COL24A1: variants seen among roughly 807,000 people sequenced by gnomAD.
COL24A1 encodes the protein collagen alpha-1(XXIV) chain.
Under a neutral mutation model 253.9 loss-of-function variants are expected in COL24A1, and 224 were observed. The observed-to-expected ratio is 0.88, with a 90% CI of 0.79 to 0.99. The LOEUF (loss-of-function observed/expected upper bound fraction) is 0.99. Among genes scored for constraint, COL24A1 ranks in the 50% least tolerant of loss-of-function variants. COL24A1 has a pLI of 0.00. For synonymous variants in COL24A1, 685 were observed against 673.7 expected, an observed-to-expected ratio of 1.02 and a Z score of -0.26; for missense variants, 2,131 against 2,068.5, an observed-to-expected ratio of 1.03 and a Z score of -0.59.
intron 53 of COL24A1, among the ~76,000 whole-genome samples, chr1:85,764,653 A>G (rs1483794560): frequency 2.0e-5 from 3 of 152,188 alleles, no homozygotes; most frequent in Non-Finnish European, 2.9e-5. Flanking sequence ...GAACTGCTGC[A>G]CATTTGGACC....
At chr1:85,776,955 ATTTTTTT>A (rs561997139) in intron 52 of COL24A1, among the ~76,000 whole-genome samples, 5 of 149,610 alleles carry the variant, frequency 3.3e-5, no homozygotes, top group East Asian at 3.9e-4. Flanking sequence ...TTATTTACTT[ATTTTTTT>A]TTTTTTGAGA....
intron 24 of COL24A1, among the ~76,000 whole-genome samples, chr1:85,918,305 A>G (rs533460542): frequency 2.6e-5 from 4 of 152,156 alleles, no homozygotes; most frequent in Non-Finnish European, 5.9e-5. Flanking sequence ...ATAGGGATCC[A>G]GTTTTAATTT....
At chr1:85,952,121 T>C (rs991696320) in intron 24 of COL24A1, among the ~76,000 whole-genome samples, 1 of 152,156 alleles carries the variant, frequency 6.6e-6, no homozygotes, top group Non-Finnish European at 1.5e-5. Context: ...AATATAAGTT[T>C]AATGACATTC....
chr1:86,154,201 T>A (rs1291959036), intron 1 of COL24A1: 1 of 132,686 alleles, frequency 7.5e-6, no homozygotes, highest in Non-Finnish European at 1.6e-5. Context: ...AAGGGAAAAA[T>A]TCCAAATTAT....
At chr1:86,028,975 A>C (rs974329716) in intron 14 of COL24A1, among the ~76,000 whole-genome samples, 3 of 152,206 alleles carry the variant, frequency 2.0e-5, no homozygotes, top group Admixed American at 1.3e-4. Context: ...TATTTAAAAA[A>C]TTTGGTCTTA....
chr1:85,961,303 A>C lies in COL24A1; in HGVS notation c.2518-10T>G, dbSNP rs771206793. The C allele has an allele frequency of 1.3e-6, 2 of 1,597,080 alleles. No homozygotes were observed. The highest frequency in any genetic ancestry group is 1.7e-6 in the Non-Finnish European group (2 of 1,166,598). On this transcript the variant is annotated splice_polypyrimidine_tract_variant and intron_variant, in intron 23 of 59. Coordinates refer to ENST00000370571, the MANE Select transcript of COL24A1 (RefSeq NM_152890.7). The stretch of plus-strand genomic sequence containing the variant: ...GATCTCCTACTTCTCCCTGTCAAAA[A>C]AGAATATAAAGTTGCAAAAACAGTT...
At chr1:85,747,467 G>A (rs1665363958) in intron 55 of COL24A1, among the ~76,000 whole-genome samples, 1 of 151,914 alleles carries the variant, frequency 6.6e-6, no homozygotes, top group Non-Finnish European at 1.5e-5. Flanking sequence ...AACTATTCAT[G>A]TGTCAATTGC....
At chr1:86,033,004 A>G (rs1370539709) in intron 13 of COL24A1, among the ~76,000 whole-genome samples, 2 of 152,124 alleles carry the variant, frequency 1.3e-5, no homozygotes, top group African/African-American at 4.8e-5. Flanking sequence ...GAAAAATGGT[A>G]AACATTCCAC....
At chr1:85,817,768 G>A (rs946741021) in intron 46 of COL24A1, among the ~76,000 whole-genome samples, 1 of 151,980 alleles carries the variant, frequency 6.6e-6, no homozygotes, top group Admixed American at 6.6e-5. Context: ...GTGGTTCACC[G>A]TCAGAAGCAT....
rs970028047 is a variant in COL24A1 at position 86,031,994 on chromosome 1, C to T, written c.2005-72G>A. On this transcript the variant is annotated intron_variant, in intron 13 of 59. Transcript: ENST00000370571. Reference sequence around the variant, plus strand: ...TACTAAGGGTATTTCTGAAGATAAACACAAAACTTTCTAGCTAAGAATACA... The same window carrying T: ...TACTAAGGGTATTTCTGAAGATAAATACAAAACTTTCTAGCTAAGAATACA... The T allele has an allele frequency of 4.8e-6, 6 of 1,257,136 alleles. No homozygotes were observed. The African/African-American group carries it at 7.6e-5, about 16-fold the overall frequency. 77.9% of individuals were successfully genotyped at this position (1,257,136 alleles called of 1,614,324 possible). A position where few individuals can be genotyped will look rare whatever the true frequency, so the allele number is the denominator to read the frequency against.
Position 85,970,272 on chromosome 1 carries a change from C to T in COL24A1, c.2419-1G>A, listed in dbSNP as rs766249152. 46 of 1,581,820 alleles carry T rather than the reference C, an allele frequency of 2.9e-5. No homozygotes were observed. The highest frequency in any genetic ancestry group is 3.9e-5 in the Non-Finnish European group (46 of 1,167,604). On this transcript the variant is annotated splice_acceptor_variant, in intron 21 of 59. Transcript: ENST00000370571. LOFTEE classifies it high-confidence loss of function. ...AGGCTCCAATTGGTCCTTCTTCTCC[C>T]TTAAAAAAAAAAAAAGTCAGAACAT...
At chr1:85,872,802 A>G (rs1266240005) in intron 35 of COL24A1, among the ~76,000 whole-genome samples, 1 of 152,048 alleles carries the variant, frequency 6.6e-6, no homozygotes, top group East Asian at 1.9e-4. Flanking sequence ...TCTAAAACAC[A>G]AAAAGCAATG....
chr1:86,148,936 C>G (rs989020465), intron 1 of COL24A1, among the ~76,000 whole-genome samples: 9 of 152,122 alleles, frequency 5.9e-5, no homozygotes, highest in Non-Finnish European at 8.8e-5. Context: ...CTGACTTCCA[C>G]AATGGTTGAA....
chr1:85,847,854 C>T (rs1320652628), intron 38 of COL24A1, 82 bp from the exon 39 acceptor site: 3 of 780,912 alleles, frequency 3.8e-6, no homozygotes, highest in African/African-American at 3.5e-5. Flanking sequence ...TCCTGAATAG[C>T]TCCTGAGGAT....
rs1055996535 is a variant in COL24A1, at chr1:85,938,235, A to G, written c.2562+23014T>C. 2.7e-5 allele frequency among the ~76,000 whole-genome samples: 4 copies of G among 147,250 alleles called. 2 individuals carry two copies. Among genetic ancestry groups the G allele is most frequent in the African/African-American group, 5.0e-5 (2 of 40,184 alleles). ...TGTGGAAGCAGAATTAGTTCCACTT[A>G]CTATCACTCTCAATGTCCCAGTGGA... On this transcript the variant is annotated intron_variant, in intron 24 of 59. Transcript: ENST00000370571.
intron 24 of COL24A1, among the ~76,000 whole-genome samples, chr1:85,946,494 C>T (rs11161711): frequency 0.68 from 102,618 of 151,976 alleles, 34,943 homozygotes; most frequent in East Asian, 0.79. Context: ...CATGAGAAAC[C>T]TGGGGAGAAG....
intron 18 of COL24A1, among the ~76,000 whole-genome samples, chr1:86,020,332 C>T (rs1183125293): frequency 6.6e-6 from 1 of 152,174 alleles, no homozygotes; most frequent in East Asian, 1.9e-4. Context: ...GCCCAAAGTG[C>T]TGGGATTACA....
intron 7 of COL24A1, among the ~76,000 whole-genome samples, chr1:86,085,626 A>G (rs986879770): frequency 7.9e-5 from 12 of 152,192 alleles, no homozygotes; most frequent in Non-Finnish European, 1.5e-5. Flanking sequence ...TCTTGATTCC[A>G]AACGCAGAAT....
At chr1:85,907,896 A>C (rs1684994358) in intron 27 of COL24A1, among the ~76,000 whole-genome samples, 1 of 151,756 alleles carries the variant, frequency 6.6e-6, no homozygotes. Context: ...TTTATTTATT[A>C]TTTTATGTGA....
Sources: gnomAD v4.1 joint callset for allele counts (sites outside exome capture counted in the v4.1 genomes callset) on GRCh38, gnomAD v4.1.1 for gene constraint, MANE v1.5 for transcripts, NCBI Gene and HGNC (gene_info 2026-07-23, HGNC 2026-07-21) for gene names.